FAAP20: variants seen among roughly 807,000 people sequenced by gnomAD.
FAAP20 encodes FA core complex associated protein 20.
Under a neutral mutation model 16.2 loss-of-function variants are expected in FAAP20, and 12 were observed. That is an observed-to-expected ratio of 0.74 (90% confidence interval 0.48 to 1.20). The LOEUF is 1.20. Among genes scored for constraint, FAAP20 ranks in the 50% most tolerant of loss-of-function variants. The pLI is 0.00. For synonymous variants in FAAP20, 141 were observed against 110.7 expected, an observed-to-expected ratio of 1.27 and a Z score of -1.72; for missense variants, 288 against 245.8, an observed-to-expected ratio of 1.17 and a Z score of -1.15.
upstream of FAAP20, among the ~76,000 whole-genome samples, chr1:2,203,034 C>G (rs1689107670): frequency 6.6e-6 from 1 of 152,216 alleles, no homozygotes; most frequent in Non-Finnish European, 1.5e-5. Flanking sequence ...TGCTGTCCAT[C>G]CGAGTGGGAC....
intron 3 of FAAP20, chr1:2,192,342 GAC>G: frequency 1.0e-6 from 1 of 991,796 alleles, no homozygotes; most frequent in Non-Finnish European, 1.2e-6. Flanking sequence ...AAGCATTCCA[GAC>G]ACACCAAGGC....
chr1:2,190,537 A>G, intron 3 of FAAP20: 1 of 404,298 alleles, frequency 2.5e-6, no homozygotes, highest in Non-Finnish European at 5.0e-6. Context: ...AATGACCATC[A>G]CCAGGCCTGG....
downstream of FAAP20, among the ~76,000 whole-genome samples, chr1:2,186,424 G>A (rs974386295): frequency 1.3e-5 from 2 of 152,058 alleles, no homozygotes; most frequent in Non-Finnish European, 2.9e-5. Flanking sequence ...CAAGCCCCAG[G>A]TGCCAGGACA....
downstream of FAAP20, chr1:2,185,013 C>T (rs770990023): frequency 2.7e-5 from 43 of 1,609,762 alleles, no homozygotes; most frequent in East Asian, 3.3e-4. Context: ...GGTGTGAGGC[C>T]GCGTGCGTCT....
In FAAP20 at chr1:2,194,150, G is replaced by A. The variant is rs2100693061; in HGVS notation, c.63-17C>T. ...CCAGAAGGCCTGGGGCAGACAGAGAGGGCAGACAGGGGGTACTCAGTAGCG... is the reference window on the plus strand; with the variant it reads ...CCAGAAGGCCTGGGGCAGACAGAGAAGGCAGACAGGGGGTACTCAGTAGCG... On this transcript the variant is annotated splice_polypyrimidine_tract_variant and intron_variant, in intron 1 of 3. Coordinates refer to ENST00000378546, the MANE Select transcript of FAAP20 (RefSeq NM_182533.4). 1 of 1,611,542 alleles carries A rather than the reference G, an allele frequency of 6.2e-7. No individual in the cohort carries two copies. Among genetic ancestry groups the A allele is most frequent in the Non-Finnish European group, 8.5e-7 (1 of 1,179,692 alleles).
chr1:2,209,567 G>A (rs1689380618), downstream of FAAP20, among the ~76,000 whole-genome samples: 1 of 152,224 alleles, frequency 6.6e-6, no homozygotes, highest in Admixed American at 6.5e-5. Context: ...GGACCCTGTC[G>A]GGCAGGACAC....
chr1:2,185,169 G>A, downstream of FAAP20: 5 of 749,390 alleles, frequency 6.7e-6, 1 homozygote, highest in South Asian at 7.9e-5. Context: ...GCTGCTGGGA[G>A]CAGAACAGTC....
At chr1:2,198,698 C>T (rs1025470020), upstream of FAAP20, 1 of 1,254,310 alleles carries the variant, frequency 8.0e-7, no homozygotes, top group African/African-American at 1.5e-5. Context: ...GCCTCCACCC[C>T]TTCCCATGTG....
At chr1:2,204,773 C>G (rs981541743), upstream of FAAP20, among the ~76,000 whole-genome samples, 1 of 152,144 alleles carries the variant, frequency 6.6e-6, no homozygotes, top group African/African-American at 2.4e-5. Context: ...GCAGGCTCAG[C>G]CAGCCGCCGC....
chr1:2,189,983 G>A lies in FAAP20; in HGVS notation c.471-202C>T, dbSNP rs1261903423. 6.4e-6 allele frequency: 4 copies of A among 627,946 alleles called. No homozygotes were observed. In the African/African-American group the frequency reaches 7.2e-5, roughly 11 times the overall value. 38.9% of individuals were successfully genotyped at this position (627,946 alleles called of 1,614,324 possible). ...AGTGGTGTTTCCACACCGTGCCCGT[G>A]AGGAGGCCACGCCAGGCCCCTGCGT... On this transcript the variant is annotated intron_variant, in intron 3 of 3. Coordinates refer to ENST00000378546, the MANE Select transcript of FAAP20 (RefSeq NM_182533.4).
chr1:2,191,975 C>G lies in FAAP20; in HGVS notation c.470+1664G>C, dbSNP rs542722443. 1.1e-4 allele frequency: 104 copies of G among 985,510 alleles called. 1 individual carries two copies. The South Asian group carries it at 1.1e-3, about 11-fold the overall frequency. The allele number at this position is 985,510 out of a possible 1,614,324, so 61.0% of individuals were successfully genotyped here. ...GTCAAATCCAGCATTTGACGGTCCT[C>G]TGGGTGACCCGGAGAACACCAAGGC... On this transcript the variant is annotated intron_variant, in intron 3 of 3. Transcript: ENST00000378546.
At chr1:2,189,474 G>A, downstream of FAAP20, 1 of 573,238 alleles carries the variant, frequency 1.7e-6, no homozygotes, top group Non-Finnish European at 3.1e-6. Context: ...TCCCCGCCTG[G>A]GGCTGTGTCT....
upstream of FAAP20, among the ~76,000 whole-genome samples, chr1:2,203,074 C>G (rs1353285266): frequency 6.6e-6 from 1 of 152,274 alleles, no homozygotes; most frequent in Non-Finnish European, 1.5e-5. Context: ...ACCCTCCCAT[C>G]CCCCTTCTGC....
At chr1:2,205,227 T>C (rs1455618639) in intron 3 of FAAP20, among the ~76,000 whole-genome samples, 2 of 55,380 alleles carry the variant, frequency 3.6e-5, no homozygotes, top group Admixed American at 2.1e-4. Context: ...CTTCTGGCCC[T>C]TCCCTTGCCC....
upstream of FAAP20, chr1:2,194,791 C>CCCCCCCCCCCG: frequency 9.1e-7 from 1 of 1,097,836 alleles, no homozygotes. Context: ...GCCCCGCCCC[C>CCCCCCCCCCCG]GCCCCTCCAG....
chr1:2,209,209 C>A (rs557780348), downstream of FAAP20, among the ~76,000 whole-genome samples: 89 of 152,278 alleles, frequency 5.8e-4, no homozygotes, highest in Non-Finnish European at 1.1e-3. Context: ...GACCAAGCAC[C>A]GTCCTGCCCC....
intron 1 of FAAP20, 155 bp from the exon 2 acceptor site, chr1:2,194,288 G>A (rs1328595985): frequency 8.0e-6 from 7 of 876,210 alleles, no homozygotes; most frequent in Non-Finnish European, 1.2e-5. Flanking sequence ...GTTGGGGGAA[G>A]GGCTGCTGGG....
chr1:2,186,474 C>CG (rs1011186613), downstream of FAAP20, among the ~76,000 whole-genome samples: 11 of 149,962 alleles, frequency 7.3e-5, no homozygotes, highest in African/African-American at 2.7e-4. Context: ...CCATTCCCCC[C>CG]GGCCCGAGAC....
At chr1:2,184,487 A>C (rs1360550069), downstream of FAAP20, 6 of 839,080 alleles carry the variant, frequency 7.2e-6, no homozygotes, top group Non-Finnish European at 1.1e-5. Flanking sequence ...TGACTTTCTC[A>C]CTGTTTCATT....
Sources: allele counts gnomAD v4.1 joint callset (sites outside exome capture counted in the v4.1 genomes callset), GRCh38; gene constraint gnomAD v4.1.1; transcripts MANE v1.5; gene names NCBI Gene and HGNC (gene_info 2026-07-23, HGNC 2026-07-21).